RCAN2: variants seen among roughly 807,000 people sequenced by gnomAD.
RCAN2 encodes calcipressin-2.
RCAN2 carries 9 observed loss-of-function variants against 23.6 expected under a neutral mutation model. The observed-to-expected ratio is 0.38, with a 90% CI of 0.23 to 0.67. The LOEUF is 0.67. RCAN2 is among the 30% of genes least tolerant of loss of function. The probability of loss-of-function intolerance (pLI) is 0.51; values close to 1 mark genes in which losing one functional copy is unlikely to be tolerated. For missense variants in RCAN2, 273 were observed against 302.3 expected, an observed-to-expected ratio of 0.90 and a Z score of 0.72; for synonymous variants, 109 against 115.7, an observed-to-expected ratio of 0.94 and a Z score of 0.37.
chr6:46,252,625 CTTTG>C (rs943093167), intron 2 of RCAN2, among the ~76,000 whole-genome samples: 1 of 152,004 alleles, frequency 6.6e-6, no homozygotes, highest in African/African-American at 2.4e-5. Context: ...ATAATAAGCC[CTTTG>C]TTTGTTAACA....
intron 1 of RCAN2, among the ~76,000 whole-genome samples, chr6:46,460,597 C>T (rs1016743585): frequency 6.6e-6 from 1 of 152,106 alleles, no homozygotes; most frequent in African/African-American, 2.4e-5. Flanking sequence ...ACCTGCACAG[C>T]CTTTTCTCAT....
intron 2 of RCAN2, among the ~76,000 whole-genome samples, chr6:46,277,965 G>T (rs1039449756): frequency 1.3e-5 from 2 of 152,090 alleles, no homozygotes; most frequent in African/African-American, 4.8e-5. Flanking sequence ...AAAGACGGAG[G>T]CGCTTTAAGA....
At chr6:46,455,786 G>A (rs765192420) in intron 2 of RCAN2, among the ~76,000 whole-genome samples, 1 of 151,342 alleles carries the variant, frequency 6.6e-6, no homozygotes, top group Non-Finnish European at 1.5e-5. Flanking sequence ...AACCCAAGGA[G>A]GTGGAGCTGG....
At chr6:46,264,070 C>T (rs1178661317) in intron 2 of RCAN2, among the ~76,000 whole-genome samples, 1 of 152,152 alleles carries the variant, frequency 6.6e-6, no homozygotes, top group Non-Finnish European at 1.5e-5. Flanking sequence ...CAGAATGCTA[C>T]CCGGTGTTGT....
intron 2 of RCAN2, among the ~76,000 whole-genome samples, chr6:46,328,727 C>T (rs930153135): frequency 1.3e-5 from 2 of 152,230 alleles, no homozygotes; most frequent in Non-Finnish European, 2.9e-5. Flanking sequence ...TCTCCTGCCT[C>T]AGCTTCCCTA....
chr6:46,374,886 CTATT>C (rs71699896), intron 2 of RCAN2, among the ~76,000 whole-genome samples: 61,720 of 151,602 alleles, frequency 0.41, 15,472 homozygotes, highest in East Asian at 0.59. Context: ...TAACTCACAG[CTATT>C]TATTTATTTA....
chr6:46,255,158 C>T (rs1264412313), intron 2 of RCAN2, among the ~76,000 whole-genome samples: 1 of 152,122 alleles, frequency 6.6e-6, no homozygotes, highest in East Asian at 1.9e-4. Flanking sequence ...GGGAAGAATA[C>T]AGAGCACCTA....
chr6:46,237,554 G>T (rs1382847994), intron 4 of RCAN2, among the ~76,000 whole-genome samples: 7 of 152,248 alleles, frequency 4.6e-5, no homozygotes, highest in Non-Finnish European at 7.4e-5. Flanking sequence ...TTCCATTAAG[G>T]AGTGTTCCCT....
chr6:46,420,234 A>T (rs776035673), intron 2 of RCAN2, among the ~76,000 whole-genome samples: 1 of 152,128 alleles, frequency 6.6e-6, no homozygotes, highest in Non-Finnish European at 1.5e-5. Context: ...TTATCATCGT[A>T]TCACTAAAAT....
chr6:46,348,054 A>C (rs1457822419), intron 2 of RCAN2, among the ~76,000 whole-genome samples: 1 of 152,192 alleles, frequency 6.6e-6, no homozygotes, highest in African/African-American at 2.4e-5. Context: ...TTTAAATGGA[A>C]GCAGCCATCA....
rs1282440368 is a variant in RCAN2 at position 46,457,606 on chromosome 6, T to C, written c.-2-628A>G. ...TTCATCAGCACCTGAATCCTGATCATGATAACTCTAACAGGTAATAGTTCA... is the reference window on the plus strand; with the variant it reads ...TTCATCAGCACCTGAATCCTGATCACGATAACTCTAACAGGTAATAGTTCA... On this transcript the variant is annotated intron_variant, in intron 1 of 4. Coordinates refer to ENST00000371374, the MANE Select transcript of RCAN2 (RefSeq NM_001251974.2). Among the ~76,000 whole-genome samples, 6 of 152,154 alleles carry C rather than the reference T, an allele frequency of 3.9e-5. No homozygotes were observed. The East Asian group carries it at 9.6e-4, about 24-fold the overall frequency.
intron 2 of RCAN2, among the ~76,000 whole-genome samples, chr6:46,453,255 A>G (rs1183527109): frequency 6.6e-6 from 1 of 152,194 alleles, no homozygotes; most frequent in East Asian, 1.9e-4. Context: ...GTTTCATACA[A>G]AAATATTTAT....
chr6:46,461,977 G>T (rs749126603), intron 1 of RCAN2, among the ~76,000 whole-genome samples: 2 of 152,166 alleles, frequency 1.3e-5, no homozygotes, highest in Non-Finnish European at 2.9e-5. Flanking sequence ...GCCCCCCTCT[G>T]CCAATAACAT....
intron 2 of RCAN2, among the ~76,000 whole-genome samples, chr6:46,406,157 T>A (rs1279117768): frequency 6.6e-6 from 1 of 151,720 alleles, no homozygotes; most frequent in Non-Finnish European, 1.5e-5. Context: ...CCTCCACACC[T>A]CCCTGCAAGC....
intron 2 of RCAN2, among the ~76,000 whole-genome samples, chr6:46,347,848 A>G (rs1764534300): frequency 6.6e-6 from 1 of 152,222 alleles, no homozygotes; most frequent in South Asian, 2.1e-4. Context: ...CACATCCGGT[A>G]TTTGGGTTGA....
intron 4 of RCAN2, among the ~76,000 whole-genome samples, chr6:46,224,565 G>A (rs182052145): frequency 8.1e-4 from 124 of 152,186 alleles, no homozygotes; most frequent in Middle Eastern, 3.4e-3. Flanking sequence ...CTTTTACTTC[G>A]CATAGCCTCA....
Position 46,387,710 on chromosome 6 carries a change from G to C in RCAN2, c.225+69042C>G, listed in dbSNP as rs1013076576. On this transcript the variant is annotated intron_variant, in intron 2 of 4. Transcript: ENST00000371374. ...GACAGTGTGGCGATTCCTCAAGGAT[G>C]TAGAACTAGAAATACCATTTGACCC... Among the ~76,000 whole-genome samples the C allele has an allele frequency of 8.9e-4, 136 of 152,272 alleles. 1 individual carries two copies. Among genetic ancestry groups the C allele is most frequent in the Non-Finnish European group, 1.6e-3 (110 of 68,006 alleles).
chr6:46,483,482 C>A (rs528877392), intron 1 of RCAN2, among the ~76,000 whole-genome samples: 2 of 152,270 alleles, frequency 1.3e-5, no homozygotes, highest in Admixed American at 6.5e-5. Flanking sequence ...GAAACCAAAC[C>A]AGCATCCAGG....
At chr6:46,400,749 G>A (rs1766226624) in intron 2 of RCAN2, among the ~76,000 whole-genome samples, 8 of 152,212 alleles carry the variant, frequency 5.3e-5, no homozygotes, top group Admixed American at 5.2e-4. Context: ...CAGAGCTCCA[G>A]GGGCCACTGC....
Sources: gnomAD v4.1 joint callset for allele counts (sites outside exome capture counted in the v4.1 genomes callset) on GRCh38, gnomAD v4.1.1 for gene constraint, MANE v1.5 for transcripts, NCBI Gene and HGNC (gene_info 2026-07-23, HGNC 2026-07-21) for gene names.